RALGAPA2: variants seen among roughly 807,000 people sequenced by gnomAD.
The protein encoded by RALGAPA2 is ral GTPase-activating protein subunit alpha-2.
Under a neutral mutation model 230.4 loss-of-function variants are expected in RALGAPA2, and 139 were observed. The observed-to-expected ratio is 0.60, with a 90% CI of 0.53 to 0.69. The LOEUF is 0.69. Ranked by LOEUF, RALGAPA2 falls within the 30% of genes least tolerant of loss-of-function variation. RALGAPA2 has a pLI of 0.00. For missense variants in RALGAPA2, 2,163 were observed against 2,276.0 expected (o/e 0.95, Z 1.01); for synonymous variants, 847 against 837.8 (o/e 1.01, Z -0.19).
intron 19 of RALGAPA2, 131 bp downstream of exon 19, chr20:20,584,734 T>C (rs1384472371): frequency 1.2e-5 from 8 of 644,644 alleles, no homozygotes; most frequent in African/African-American, 1.1e-4. Context: ...TGAGCCATGA[T>C]TGTGCCAGAG....
chr20:20,458,638 G>C (rs1318192057), intron 37 of RALGAPA2, among the ~76,000 whole-genome samples: 1 of 135,964 alleles, frequency 7.4e-6, no homozygotes, highest in Non-Finnish European at 1.5e-5. Context: ...GAGAAGGAGA[G>C]GGAGCAAGGG....
intron 23 of RALGAPA2, among the ~76,000 whole-genome samples, chr20:20,556,082 T>C (rs756067756): frequency 2.0e-5 from 3 of 152,190 alleles, no homozygotes; most frequent in Non-Finnish European, 4.4e-5. Flanking sequence ...AAACAAGCCC[T>C]GGGCAACCTT....
intron 39 of RALGAPA2, among the ~76,000 whole-genome samples, chr20:20,393,584 A>C (rs918610975): frequency 2.0e-5 from 3 of 152,214 alleles, no homozygotes; most frequent in Admixed American, 6.5e-5. Flanking sequence ...GCCACTGAAG[A>C]AGCAGTGGCT....
At chr20:20,461,798 T>C (rs1239692783) in intron 37 of RALGAPA2, among the ~76,000 whole-genome samples, 3 of 152,198 alleles carry the variant, frequency 2.0e-5, no homozygotes, top group African/African-American at 4.8e-5. Flanking sequence ...GGTATGAGAC[T>C]TTGCACTTCC....
intron 36 of RALGAPA2, among the ~76,000 whole-genome samples, chr20:20,490,425 G>C (rs2062021136): frequency 6.6e-6 from 1 of 152,016 alleles, no homozygotes. Context: ...ACCTATTTTA[G>C]TACATTCTGG....
At chr20:20,599,532 T>C (rs1313227154) in intron 16 of RALGAPA2, among the ~76,000 whole-genome samples, 1 of 152,210 alleles carries the variant, frequency 6.6e-6, no homozygotes, top group African/African-American at 2.4e-5. Flanking sequence ...ATCAGTTTTA[T>C]TCTAAAACAA....
intron 37 of RALGAPA2, among the ~76,000 whole-genome samples, chr20:20,424,494 T>C (rs1336513900): frequency 6.6e-6 from 1 of 152,210 alleles, no homozygotes; most frequent in South Asian, 2.1e-4. Flanking sequence ...ACTTGATTTC[T>C]GGGAGGAAGG....
At chr20:20,624,736 T>C (rs1245762215) in intron 10 of RALGAPA2, among the ~76,000 whole-genome samples, 1 of 152,226 alleles carries the variant, frequency 6.6e-6, no homozygotes, top group Non-Finnish European at 1.5e-5. Context: ...ATTATAATTT[T>C]TTTTTAGTTT....
intron 1 of RALGAPA2, among the ~76,000 whole-genome samples, chr20:20,695,093 T>C (rs970843819): frequency 3.3e-5 from 5 of 152,206 alleles, no homozygotes; most frequent in African/African-American, 1.2e-4. Flanking sequence ...TTTCCAAACC[T>C]GTCTTACTTT....
chr20:20,497,723 T>A (rs926113802), intron 35 of RALGAPA2, among the ~76,000 whole-genome samples: 1 of 152,232 alleles, frequency 6.6e-6, no homozygotes, highest in African/African-American at 2.4e-5. Context: ...TTTACTTGCA[T>A]CTGTATACTC....
In RALGAPA2 at chr20:20,392,271, C is replaced by T. The variant is rs910767121; in HGVS notation, c.*1018G>A. On this transcript the variant is annotated 3_prime_UTR_variant, in exon 40 of 40. Coordinates refer to ENST00000202677, the MANE Select transcript of RALGAPA2 (RefSeq NM_020343.4). ...GCAAAAATGTAAGGATTAAATCCCT[C>T]GCTTGGAATCGGCTACCAAAAGCTT... The T allele has an allele frequency of 2.0e-5, 3 of 152,238 alleles. No individual in the cohort carries two copies. Among genetic ancestry groups the T allele is most frequent in the Admixed American group, 6.5e-5 (1 of 15,288 alleles). The allele number at this position is 152,238 out of a possible 1,614,324, so 9.4% of individuals were successfully genotyped here.
rs147179597 is a variant in RALGAPA2 at position 20,668,883 on chromosome 20, T to C, written c.270+7353A>G. Among the ~76,000 whole-genome samples the C allele has an allele frequency of 3.5e-3, 534 of 152,160 alleles. 5 individuals are homozygous for C. The highest frequency in any genetic ancestry group is 0.012 in the African/African-American group (504 of 41,510). Reference sequence around the variant, plus strand: ...GCACTTCCACAGAGTAACCACAAAATATGAAGAAGAGCTACACTGAGAGCC... The same window carrying C: ...GCACTTCCACAGAGTAACCACAAAACATGAAGAAGAGCTACACTGAGAGCC... On this transcript the variant is annotated intron_variant, in intron 3 of 39. Coordinates refer to ENST00000202677, the MANE Select transcript of RALGAPA2 (RefSeq NM_020343.4).
rs1356574982 is a variant in RALGAPA2 at position 20,398,186 on chromosome 20, T to C, written c.5618-1452A>G. On this transcript the variant is annotated intron_variant, in intron 38 of 39. Transcript: ENST00000202677. The surrounding 1 kb of genome is among the most constrained non-coding windows in gnomAD (Gnocchi z 4.5). Reference sequence around the variant, plus strand: ...TTAGAGCACCATGCCACTGACACCCTCCAGTGTGAGCAAAGGGTCTCTTTA... The same window carrying C: ...TTAGAGCACCATGCCACTGACACCCCCCAGTGTGAGCAAAGGGTCTCTTTA... 6.6e-6 allele frequency among the ~76,000 whole-genome samples: 1 copy of C among 152,134 alleles called. No homozygotes were observed. The highest frequency in any genetic ancestry group is 2.4e-5 in the African/African-American group (1 of 41,426).
intron 3 of RALGAPA2, among the ~76,000 whole-genome samples, chr20:20,663,883 C>T (rs746455748): frequency 1.3e-5 from 2 of 152,166 alleles, no homozygotes; most frequent in African/African-American, 2.4e-5. Context: ...TGAACCACCA[C>T]GCCTGGCCTG....
At position 20,520,916 on chromosome 20, in the gene RALGAPA2, C is replaced by A. The variant is rs1486962211; in HGVS notation, c.4084+1G>T. ...GATTTCATACCTGAAAGAATACTCACCCTCTTCAACAGTCAGCAGGTTACC... is the reference window on the plus strand; with the variant it reads ...GATTTCATACCTGAAAGAATACTCAACCTCTTCAACAGTCAGCAGGTTACC... On this transcript the variant is annotated splice_donor_variant, in intron 31 of 39. Transcript: ENST00000202677. LOFTEE classifies it high-confidence loss of function. 3.1e-6 allele frequency: 5 copies of A among 1,594,208 alleles called. No homozygotes were observed. Among genetic ancestry groups the A allele is most frequent in the Admixed American group, 1.7e-5 (1 of 59,384 alleles).
intron 19 of RALGAPA2, 36 bp downstream of exon 19, chr20:20,584,829 C>T (rs2146037526): frequency 7.1e-7 from 1 of 1,406,102 alleles, no homozygotes; most frequent in East Asian, 2.3e-5. Flanking sequence ...CATATCAACT[C>T]TGTAGTTGGA....
chr20:20,708,608 A>G (rs189613858), intron 1 of RALGAPA2, among the ~76,000 whole-genome samples: 1 of 152,334 alleles, frequency 6.6e-6, no homozygotes, highest in East Asian at 1.9e-4. Flanking sequence ...CTGTGAGTCA[A>G]TTAAACCTCC....
At chr20:20,444,749 A>G (rs1490861214) in intron 37 of RALGAPA2, among the ~76,000 whole-genome samples, 1 of 152,162 alleles carries the variant, frequency 6.6e-6, no homozygotes, top group East Asian at 1.9e-4. Flanking sequence ...TATTTTTCAC[A>G]TTAATTTTAA....
intron 27 of RALGAPA2, among the ~76,000 whole-genome samples, chr20:20,531,130 G>A (rs1044745524): frequency 3.3e-5 from 5 of 152,140 alleles, no homozygotes. Context: ...ATTTCCTCTG[G>A]TATAAAACAG....
Sources: gnomAD v4.1 joint callset for allele counts (sites outside exome capture counted in the v4.1 genomes callset) on GRCh38, gnomAD v4.1.1 for gene constraint, Gnocchi (gnomAD v3.1) non-coding constraint, MANE v1.5 for transcripts, NCBI Gene and HGNC (gene_info 2026-07-23, HGNC 2026-07-21) for gene names.